The following MCPH1 variants were observed in gnomAD, a reference collection of about 807,000 sequenced individuals.
MCPH1 encodes microcephalin 1.
Under a neutral mutation model 84.5 loss-of-function variants are expected in MCPH1, and 104 were observed. That is an observed-to-expected ratio of 1.23 (90% CI 1.05 to 1.45). The LOEUF (loss-of-function observed/expected upper bound fraction) is 1.45, where lower values mean the gene tolerates loss of function less well. Among genes scored for constraint, MCPH1 ranks in the 40% most tolerant of loss-of-function variants. The pLI is 0.00. For synonymous variants in MCPH1, 514 were observed against 366.8 expected (o/e 1.40, Z -4.58); for missense variants, 1,498 against 1,005.7 (o/e 1.49, Z -6.62).
At chr8:6,503,657 T>C (rs1812652721) in intron 12 of MCPH1, among the ~76,000 whole-genome samples, 1 of 152,220 alleles carries the variant, frequency 6.6e-6, no homozygotes, top group Admixed American at 6.5e-5. Flanking sequence ...TGGGCTGGAC[T>C]CGCTCAGGCT....
At chr8:6,494,246 G>A (rs1035275464) in intron 11 of MCPH1, 1 of 152,138 alleles carries the variant, frequency 6.6e-6, no homozygotes, top group African/African-American at 2.4e-5. Flanking sequence ...GCCAGAAATG[G>A]TGAATTTTGA....
In MCPH1 at chr8:6,588,575, C is replaced by G. The variant is rs532850809; in HGVS notation, c.2215-32879C>G. On this transcript the variant is annotated intron_variant, in intron 12 of 13. Coordinates refer to ENST00000344683, the MANE Select transcript of MCPH1 (RefSeq NM_024596.5). ...CTGGAGTGGCGTAAGTCTGGTTGAA[C>G]CAGCACTGAACTGCCTGAGTCCATG... Among the ~76,000 whole-genome samples the G allele has an allele frequency of 6.6e-5, 10 of 152,336 alleles. No individual in the cohort carries two copies. In the South Asian group the frequency reaches 2.1e-3, roughly 32 times the overall value.
intron 12 of MCPH1, among the ~76,000 whole-genome samples, chr8:6,506,845 A>C (rs1051732400): frequency 2.6e-5 from 4 of 151,960 alleles, no homozygotes; most frequent in Non-Finnish European, 4.4e-5. Flanking sequence ...AAGACATGAA[A>C]ATTACTGAAT....
At chr8:6,412,931 A>G (rs1482256007) in intron 2 of MCPH1, among the ~76,000 whole-genome samples, 1 of 152,262 alleles carries the variant, frequency 6.6e-6, no homozygotes, top group Non-Finnish European at 1.5e-5. Flanking sequence ...AACGCTTTGC[A>G]GTACATTTCC....
Position 6,626,984 on chromosome 8 carries a change from C to CAA in MCPH1, c.2452+5306_2452+5307dup, listed in dbSNP as rs3214515. ...AATGTAATATTCTCAACAGCATTGC[C>CAA]AAAAAAAAAAAAAAGTTTAGCCTCC... On this transcript the variant is annotated intron_variant, in intron 13 of 13. Coordinates refer to ENST00000344683, the MANE Select transcript of MCPH1 (RefSeq NM_024596.5). The CAA allele has an allele frequency of 2.9e-5, 26 of 910,018 alleles. No homozygotes were observed. In the African/African-American group the frequency reaches 3.7e-4, roughly 13 times the overall value. 56.4% of individuals were successfully genotyped at this position (910,018 alleles called of 1,614,324 possible). A position where few individuals can be genotyped will look rare whatever the true frequency, so the allele number is the denominator to read the frequency against.
chr8:6,406,676 C>G lies in MCPH1; in HGVS notation c.9C>G (p.Ala3=). The change falls in exon 1 of 14, where the codon GCC becomes GCG. Residue 3 remains alanine (A), a synonymous_variant. Coordinates refer to ENST00000344683, the MANE Select transcript of MCPH1 (RefSeq NM_024596.5). MA[A]PILKDVVAYV... ...GGATCCCGCCGTCTGTCATGGCGGC[C>G]CCCATCCTGAAAGGTGAGGTACTTC... The G allele has an allele frequency of 6.2e-7, 1 of 1,612,150 alleles. No homozygotes were observed. Among genetic ancestry groups the G allele is most frequent in the Admixed American group, 1.7e-5 (1 of 59,964 alleles).
chr8:6,619,979 G>C (rs373838548), intron 12 of MCPH1, among the ~76,000 whole-genome samples: 2 of 152,206 alleles, frequency 1.3e-5, no homozygotes, highest in African/African-American at 2.4e-5. Context: ...GCTTGGCCCC[G>C]TGATGCTAGG....
chr8:6,546,240 A>T (rs1188908169), intron 12 of MCPH1, among the ~76,000 whole-genome samples: 1 of 152,238 alleles, frequency 6.6e-6, no homozygotes, highest in Non-Finnish European at 1.5e-5. Flanking sequence ...GGAGTAAGGG[A>T]GACAGTCTGA....
At chr8:6,443,090 T>G (rs895507612) in intron 7 of MCPH1, among the ~76,000 whole-genome samples, 1 of 152,218 alleles carries the variant, frequency 6.6e-6, no homozygotes, top group Non-Finnish European at 1.5e-5. Flanking sequence ...TTATTCACTG[T>G]TATCTCATTT....
intron 12 of MCPH1, among the ~76,000 whole-genome samples, chr8:6,518,333 T>A (rs1263075559): frequency 2.6e-5 from 4 of 152,218 alleles, no homozygotes; most frequent in Admixed American, 6.5e-5. Context: ...CAAAAGAGAT[T>A]GAAAGGCTTA....
At chr8:6,591,181 G>A (rs1346342539) in intron 12 of MCPH1, among the ~76,000 whole-genome samples, 5 of 152,370 alleles carry the variant, frequency 3.3e-5, no homozygotes, top group African/African-American at 9.6e-5. Context: ...ACAGGCGTGA[G>A]CCACCACGAC....
intron 12 of MCPH1, among the ~76,000 whole-genome samples, chr8:6,520,791 T>C (rs1314981699): frequency 6.6e-6 from 1 of 152,186 alleles, no homozygotes; most frequent in African/African-American, 2.4e-5. Flanking sequence ...AACTAGCATC[T>C]CTTAAGTGCC....
chr8:6,489,640 A>G (rs766150853), intron 11 of MCPH1, among the ~76,000 whole-genome samples: 7 of 152,226 alleles, frequency 4.6e-5, no homozygotes, highest in Non-Finnish European at 8.8e-5. Flanking sequence ...TATTGCTGAT[A>G]TGTTATTCCT....
intron 12 of MCPH1, among the ~76,000 whole-genome samples, chr8:6,516,279 A>G (rs1388677288): frequency 3.3e-5 from 5 of 152,202 alleles, no homozygotes; most frequent in Admixed American, 1.3e-4. Flanking sequence ...ACTCTGCCAG[A>G]TACTTTGTGT....
At chr8:6,585,912 C>T (rs1827942118) in intron 12 of MCPH1, among the ~76,000 whole-genome samples, 2 of 152,336 alleles carry the variant, frequency 1.3e-5, no homozygotes, top group South Asian at 4.1e-4. Flanking sequence ...CCCAAGTTCA[C>T]TCACAGCTGT....
At chr8:6,462,893 A>G (rs1002432698) in intron 9 of MCPH1, among the ~76,000 whole-genome samples, 8 of 152,192 alleles carry the variant, frequency 5.3e-5, no homozygotes, top group Non-Finnish European at 8.8e-5. Flanking sequence ...CTGCATATTG[A>G]CTGTGCTTTG....
Position 6,477,507 on chromosome 8 carries a change from A to C in MCPH1, c.1936-87A>C, listed in dbSNP as rs2979667. ...TTATTTTTAAGTGATGTAACTTTTC[A>C]AAAAACTTATTACAGTTTATTTCTG... On this transcript the variant is annotated intron_variant, in intron 9 of 13. Coordinates refer to ENST00000344683, the MANE Select transcript of MCPH1 (RefSeq NM_024596.5). 1,875 of 1,278,452 alleles carry C rather than the reference A, an allele frequency of 1.5e-3. 23 individuals carry two copies. In the African/African-American group the frequency reaches 0.023, roughly 16 times the overall value. 79.2% of individuals were successfully genotyped at this position (1,278,452 alleles called of 1,614,324 possible). A position where few individuals can be genotyped will look rare whatever the true frequency, so the allele number is the denominator to read the frequency against.
chr8:6,639,106 A>T (rs1797756658), intron 13 of MCPH1, among the ~76,000 whole-genome samples: 1 of 152,212 alleles, frequency 6.6e-6, no homozygotes, highest in South Asian at 2.1e-4. Context: ...TACTTCTGGC[A>T]GCCTTTATCC....
At chr8:6,528,091 T>G (rs1362043503) in intron 12 of MCPH1, among the ~76,000 whole-genome samples, 6 of 152,122 alleles carry the variant, frequency 3.9e-5, no homozygotes, top group Non-Finnish European at 8.8e-5. Context: ...CAGATGGGGT[T>G]TCACCATGTT....
Sources: gnomAD v4.1 joint callset for allele counts (sites outside exome capture counted in the v4.1 genomes callset) on GRCh38, gnomAD v4.1.1 for gene constraint, MANE v1.5 for transcripts, NCBI Gene and HGNC (gene_info 2026-07-23, HGNC 2026-07-21) for gene names.